Variants in MRPL48 observed in about 807,000 individuals in gnomAD.
MRPL48 encodes the protein mitochondrial ribosomal protein L48, also known as large ribosomal subunit protein mL48.
In MRPL48, 16 loss-of-function variants were observed where a neutral mutation model predicts 32.9. The ratio of observed to expected loss-of-function variants is 0.49; its 90% CI spans 0.33 to 0.74. The LOEUF (loss-of-function observed/expected upper bound fraction) is 0.74, where lower values mean the gene tolerates loss of function less well. MRPL48 is among the 30% of genes least tolerant of loss of function. The pLI is 0.02. For synonymous variants in MRPL48, 94 were observed against 89.2 expected (o/e 1.05, Z -0.31); for missense variants, 206 against 245.3 (o/e 0.84, Z 1.07).
At chr11:73,815,019 T>TAAATAAAA (rs1211069653) in intron 3 of MRPL48, among the ~76,000 whole-genome samples, 19 of 151,532 alleles carry the variant, frequency 1.3e-4, no homozygotes, top group African/African-American at 4.4e-4. Context: ...AATAAATAAA[T>TAAATAAAA]AAAACAAAAA....
intron 4 of MRPL48, among the ~76,000 whole-genome samples, chr11:73,830,976 A>T (rs1193770263): frequency 6.6e-6 from 1 of 151,196 alleles, no homozygotes; most frequent in Non-Finnish European, 1.5e-5. Flanking sequence ...AGTAGCTGGG[A>T]TTACAGGCAT....
At chr11:73,863,122 C>G (rs1001859284) in intron 6 of MRPL48, 50 bp from the exon 7 acceptor site, 4 of 1,500,230 alleles carry the variant, frequency 2.7e-6, no homozygotes, top group Non-Finnish European at 3.6e-6. Flanking sequence ...GCCCAGTTAC[C>G]TCGTTTTCAG....
Position 73,799,269 on chromosome 11 carries a change from T to A in MRPL48, c.22-5758T>A, listed in dbSNP as rs542576014. Among the ~76,000 whole-genome samples, 267 of 152,134 alleles carry A rather than the reference T, an allele frequency of 1.8e-3. 2 individuals are homozygous for A. The highest frequency in any genetic ancestry group is 6.3e-3 in the African/African-American group (263 of 41,518). On this transcript the variant is annotated intron_variant, in intron 1 of 7. Coordinates refer to ENST00000310614, the MANE Select transcript of MRPL48 (RefSeq NM_016055.6). ...TGGGAGGATGAGGCAGGAGAATGGC[T>A]TAAGTCTAGGGGGTCGAGGTTGCAG...
chr11:73,796,607 C>CA (rs1171642538), intron 1 of MRPL48, among the ~76,000 whole-genome samples: 1 of 152,228 alleles, frequency 6.6e-6, no homozygotes, highest in East Asian at 1.9e-4. Flanking sequence ...CAGAAGGGGG[C>CA]AGGTTCCCAT....
At chr11:73,791,042 C>T (rs534173363) in intron 1 of MRPL48, among the ~76,000 whole-genome samples, 20 of 151,600 alleles carry the variant, frequency 1.3e-4, no homozygotes, top group African/African-American at 2.7e-4. Context: ...CCTGCCACCA[C>T]GCCTGGCTAA....
intron 2 of MRPL48, 78 bp from the exon 3 acceptor site, chr11:73,808,235 A>G: frequency 8.8e-6 from 12 of 1,361,318 alleles, no homozygotes; most frequent in South Asian, 1.3e-5. Context: ...CTTTAGTGAT[A>G]GAATATAAAT....
intron 3 of MRPL48, among the ~76,000 whole-genome samples, chr11:73,818,351 C>T (rs567875102): frequency 7.6e-4 from 116 of 151,960 alleles, no homozygotes; most frequent in Non-Finnish European, 1.1e-3. Context: ...AGAGACAAGA[C>T]GAAGGGAACT....
intron 1 of MRPL48, among the ~76,000 whole-genome samples, chr11:73,798,994 C>CAAAAAA (rs113432463): frequency 7.8e-6 from 1 of 128,456 alleles, no homozygotes; most frequent in Non-Finnish European, 1.7e-5. Flanking sequence ...CCCTCTCAAG[C>CAAAAAA]AAAAAAAAAA....
At chr11:73,806,520 T>G (rs184736297) in intron 2 of MRPL48, among the ~76,000 whole-genome samples, 31 of 152,170 alleles carry the variant, frequency 2.0e-4, no homozygotes, top group Non-Finnish European at 5.9e-5. Flanking sequence ...GCTTTTTCTT[T>G]ATAGCAGATG....
intron 6 of MRPL48, chr11:73,860,234 GATGTAT>G: frequency 2.3e-6 from 1 of 431,906 alleles, no homozygotes; most frequent in South Asian, 2.6e-5. Context: ...ATAACCCCCA[GATGTAT>G]ATATCTCCAG....
intron 1 of MRPL48, among the ~76,000 whole-genome samples, chr11:73,795,517 CTT>C (rs200565855): frequency 2.7e-5 from 4 of 146,054 alleles, no homozygotes; most frequent in African/African-American, 7.5e-5. Context: ...AATATTCACT[CTT>C]TTTTTTTTTG....
At chr11:73,826,651 G>C (rs928043342) in intron 4 of MRPL48, among the ~76,000 whole-genome samples, 1 of 151,844 alleles carries the variant, frequency 6.6e-6, no homozygotes, top group Admixed American at 6.6e-5. Context: ...GCTAATTTCT[G>C]TATTTCTAGT....
chr11:73,820,245 G>A (rs564805987), intron 3 of MRPL48, among the ~76,000 whole-genome samples: 1 of 152,246 alleles, frequency 6.6e-6, no homozygotes, highest in African/African-American at 2.4e-5. Flanking sequence ...TCTTTTTTGA[G>A]ACAGAGTCTC....
chr11:73,800,508 C>T (rs1248891739), intron 1 of MRPL48, among the ~76,000 whole-genome samples: 1 of 152,098 alleles, frequency 6.6e-6, no homozygotes, highest in Non-Finnish European at 1.5e-5. Flanking sequence ...GTTGTGCAGT[C>T]CTTGCTTGGT....
chr11:73,856,794 G>A (rs192262633), intron 5 of MRPL48, among the ~76,000 whole-genome samples: 24 of 152,046 alleles, frequency 1.6e-4, no homozygotes, highest in African/African-American at 4.8e-4. Context: ...AGATTGACTC[G>A]TGAAATTAAA....
Position 73,859,955 on chromosome 11 carries a change from A to G in MRPL48, c.420A>G (p.Gln140=). The G allele has an allele frequency of 6.2e-7, 1 of 1,613,936 alleles. No homozygotes were observed. Among genetic ancestry groups the G allele is most frequent in the Non-Finnish European group, 8.5e-7 (1 of 1,179,894 alleles). ...KTIEVLQLQD[Q]GSKMLLDSVL... is the part of the protein sequence containing the mutation. ...TAGAAGTGTTGCAGTTGCAGGACCA[A>G]GGCAGCAAAATGCTCCTGGACTCAG... Residue 140 remains glutamine, a synonymous_variant, in exon 6 of 8, where the codon CAA becomes CAG. Coordinates refer to ENST00000310614, the MANE Select transcript of MRPL48 (RefSeq NM_016055.6).
chr11:73,792,123 C>T (rs1291507984), intron 1 of MRPL48, among the ~76,000 whole-genome samples: 1 of 152,152 alleles, frequency 6.6e-6, no homozygotes, highest in Non-Finnish European at 1.5e-5. Flanking sequence ...AGAGCCAGTA[C>T]CTCTTTGGGT....
Position 73,797,843 on chromosome 11 carries a change from G to T in MRPL48, c.22-7184G>T, listed in dbSNP as rs368576790. Among the ~76,000 whole-genome samples, 3 of 152,228 alleles carry T rather than the reference G, an allele frequency of 2.0e-5. No individual in the cohort carries two copies. In the South Asian group the frequency reaches 6.2e-4, roughly 32 times the overall value. On this transcript the variant is annotated intron_variant, in intron 1 of 7. Coordinates refer to ENST00000310614, the MANE Select transcript of MRPL48 (RefSeq NM_016055.6). ...GATGCCACCAGCCACAGACTTTTCC[G>T]GCCAGAAAAATGACACTCCAAAAAT...
At chr11:73,844,634 A>G (rs1948252671) in intron 4 of MRPL48, among the ~76,000 whole-genome samples, 173 bp from the exon 5 acceptor site, 1 of 152,212 alleles carries the variant, frequency 6.6e-6, no homozygotes, top group Non-Finnish European at 1.5e-5. Context: ...CTAGAATGGC[A>G]AGGGAAGCTG....
Sources: allele counts gnomAD v4.1 joint callset (sites outside exome capture counted in the v4.1 genomes callset), GRCh38; gene constraint gnomAD v4.1.1; transcripts MANE v1.5; gene names NCBI Gene and HGNC (gene_info 2026-07-23, HGNC 2026-07-21).